LPGAT1: variants seen among roughly 807,000 people sequenced by gnomAD.
The protein encoded by LPGAT1 is acyl-CoA:lysophosphatidylglycerol acyltransferase 1.
Under a neutral mutation model 47.5 loss-of-function variants are expected in LPGAT1, and 11 were observed. The ratio of observed to expected loss-of-function variants is 0.23; its 90% CI spans 0.15 to 0.38. LPGAT1 has a LOEUF of 0.38. Ranked by LOEUF, LPGAT1 falls within the 10% of genes least tolerant of loss-of-function variation. LPGAT1 has a pLI of 1.00. For synonymous variants in LPGAT1, 138 were observed against 144.2 expected, an observed-to-expected ratio of 0.96 and a Z score of 0.31; for missense variants, 293 against 439.0, an observed-to-expected ratio of 0.67 and a Z score of 2.97.
chr1:211,760,051 A>T (rs762055299), intron 6 of LPGAT1, among the ~76,000 whole-genome samples: 2 of 152,260 alleles, frequency 1.3e-5, no homozygotes, highest in African/African-American at 2.4e-5. Flanking sequence ...AGAATTACCA[A>T]GTCAGAAGGT....
intron 6 of LPGAT1, among the ~76,000 whole-genome samples, chr1:211,758,151 A>C (rs1228009094): frequency 6.6e-6 from 1 of 152,196 alleles, no homozygotes; most frequent in Non-Finnish European, 1.5e-5. Flanking sequence ...AGATGATTTA[A>C]AAATAGTTTC....
intron 2 of LPGAT1, among the ~76,000 whole-genome samples, chr1:211,795,010 A>T (rs1364923836): frequency 6.6e-6 from 1 of 152,204 alleles, no homozygotes; most frequent in East Asian, 1.9e-4. Context: ...AGCTAACTCA[A>T]ATTCATAGAA....
At chr1:211,772,073 C>T (rs183462084) in intron 6 of LPGAT1, among the ~76,000 whole-genome samples, 48 of 152,144 alleles carry the variant, frequency 3.2e-4, no homozygotes, top group African/African-American at 1.1e-3. Context: ...CTTTAGGGTC[C>T]CATTATTGTT....
At chr1:211,819,751 G>A (rs1410532049) in intron 2 of LPGAT1, among the ~76,000 whole-genome samples, 2 of 152,106 alleles carry the variant, frequency 1.3e-5, no homozygotes, top group African/African-American at 2.4e-5. Context: ...TTTGGAGGCC[G>A]AGGCGGATGG....
At chr1:211,802,352 A>G (rs1357185721) in intron 2 of LPGAT1, among the ~76,000 whole-genome samples, 1 of 152,088 alleles carries the variant, frequency 6.6e-6, no homozygotes, top group African/African-American at 2.4e-5. Flanking sequence ...GTATTGCCGG[A>G]GACCTGAAAA....
intron 6 of LPGAT1, among the ~76,000 whole-genome samples, chr1:211,765,659 A>C (rs1385801373): frequency 6.6e-6 from 1 of 152,192 alleles, no homozygotes; most frequent in Non-Finnish European, 1.5e-5. Flanking sequence ...TTTATTTCCA[A>C]TGCTTATTTC....
chr1:211,783,171 G>T, intron 5 of LPGAT1, 58 bp downstream of exon 5: 1 of 1,424,364 alleles, frequency 7.0e-7, no homozygotes, highest in Non-Finnish European at 9.5e-7. Flanking sequence ...ATCATCTTCT[G>T]TAACTCCAGA....
intron 2 of LPGAT1, among the ~76,000 whole-genome samples, chr1:211,818,085 T>C (rs971688767): frequency 6.6e-6 from 1 of 152,148 alleles, no homozygotes; most frequent in Non-Finnish European, 1.5e-5. Context: ...TCCACCCGCC[T>C]TGGCCTTCCG....
At chr1:211,789,585 AT>A (rs1659021815) in intron 3 of LPGAT1, among the ~76,000 whole-genome samples, 1 of 152,196 alleles carries the variant, frequency 6.6e-6, no homozygotes, top group Non-Finnish European at 1.5e-5. Context: ...ACAGACACTT[AT>A]TATAAGGGTA....
chr1:211,814,036 G>A (rs1404605435), intron 2 of LPGAT1, among the ~76,000 whole-genome samples: 2 of 152,110 alleles, frequency 1.3e-5, no homozygotes, highest in Non-Finnish European at 2.9e-5. Context: ...AGTTCTTTTA[G>A]AATTGAGTGA....
At chr1:211,783,624 C>G in intron 4 of LPGAT1, 122 bp from the exon 5 acceptor site, 1 of 810,178 alleles carries the variant, frequency 1.2e-6, no homozygotes, top group Admixed American at 3.1e-5. Flanking sequence ...GTGATTCCCC[C>G]ACCCCACCCC....
intron 3 of LPGAT1, chr1:211,792,477 T>G (rs1659163125): frequency 6.6e-6 from 1 of 152,084 alleles, no homozygotes; most frequent in Non-Finnish European, 1.5e-5. Context: ...AGCCCTCAAT[T>G]TGAACTATAT....
intron 2 of LPGAT1, 82 bp downstream of exon 2, chr1:211,828,977 A>T: frequency 7.1e-7 from 1 of 1,414,952 alleles, no homozygotes; most frequent in South Asian, 1.3e-5. Flanking sequence ...AAGCATCCTC[A>T]ACCCAAAGTG....
At chr1:211,803,913 G>A (rs966195993) in intron 2 of LPGAT1, among the ~76,000 whole-genome samples, 6 of 151,706 alleles carry the variant, frequency 4.0e-5, no homozygotes, top group African/African-American at 9.7e-5. Flanking sequence ...CATGCATGAC[G>A]AAATACAGCT....
intron 6 of LPGAT1, among the ~76,000 whole-genome samples, chr1:211,764,746 A>T (rs1558258039): frequency 6.6e-6 from 1 of 152,248 alleles, no homozygotes; most frequent in Non-Finnish European, 1.5e-5. Flanking sequence ...ACTTTAATAC[A>T]GGAAATAAAC....
chr1:211,806,189 G>A (rs1381469245), intron 2 of LPGAT1, among the ~76,000 whole-genome samples: 3 of 151,820 alleles, frequency 2.0e-5, no homozygotes, highest in Non-Finnish European at 4.4e-5. Context: ...GAACCCAGGA[G>A]GCAGAGGTTG....
intron 6 of LPGAT1, among the ~76,000 whole-genome samples, chr1:211,777,673 A>G (rs1571718280): frequency 1.3e-5 from 2 of 152,374 alleles, no homozygotes; most frequent in East Asian, 3.9e-4. Flanking sequence ...AAAATTACCA[A>G]TTTAATCATT....
At chr1:211,796,147 GTTTGCTTT>G (rs1659342511) in intron 2 of LPGAT1, among the ~76,000 whole-genome samples, 1 of 151,934 alleles carries the variant, frequency 6.6e-6, no homozygotes, top group African/African-American at 2.4e-5. Context: ...TATCTTACCT[GTTTGCTTT>G]ATATAAATCA....
At chr1:211,801,767 G>A (rs917586998) in intron 2 of LPGAT1, among the ~76,000 whole-genome samples, 21 of 150,176 alleles carry the variant, frequency 1.4e-4, no homozygotes, top group African/African-American at 4.4e-4. Context: ...AGAAAAGAAG[G>A]GAAAAGAAAA....
Sources: allele counts gnomAD v4.1 joint callset (sites outside exome capture counted in the v4.1 genomes callset), GRCh38; gene constraint gnomAD v4.1.1; transcripts MANE v1.5; gene names NCBI Gene and HGNC (gene_info 2026-07-23, HGNC 2026-07-21).